Variants in IL23R observed in about 807,000 individuals in gnomAD.
IL23R encodes interleukin 23 receptor, also known as interleukin-23 receptor.
Under a neutral mutation model 56.9 loss-of-function variants are expected in IL23R, and 34 were observed. That is an observed-to-expected ratio of 0.60 (90% CI 0.45 to 0.80). IL23R has a LOEUF of 0.80. IL23R is among the 30% of genes least tolerant of loss of function. The probability of loss-of-function intolerance (pLI) is 0.00; values close to 1 mark genes in which losing one functional copy is unlikely to be tolerated. For missense variants in IL23R, 635 were observed against 730.0 expected (o/e 0.87, Z 1.50); for synonymous variants, 230 against 249.2 (o/e 0.92, Z 0.73).
intron 6 of IL23R, among the ~76,000 whole-genome samples, chr1:67,208,534 G>C (rs1399665098): frequency 6.6e-6 from 1 of 152,264 alleles, no homozygotes; most frequent in Non-Finnish European, 1.5e-5. Flanking sequence ...CCAACATCCA[G>C]CTTGGGCTGT....
At chr1:67,153,591 T>C (rs1004148402) in intron 1 of IL23R, among the ~76,000 whole-genome samples, 5 of 152,196 alleles carry the variant, frequency 3.3e-5, no homozygotes, top group African/African-American at 1.2e-4. Flanking sequence ...TTTAGTCCTG[T>C]AAATTTCCCT....
At chr1:67,140,960 AT>A (rs952554516) in intron 1 of IL23R, among the ~76,000 whole-genome samples, 1 of 152,044 alleles carries the variant, frequency 6.6e-6, no homozygotes, top group Non-Finnish European at 1.5e-5. Context: ...ACCCAGTTAT[AT>A]TTTTTTCCAA....
chr1:67,264,730 T>G (rs1318291555), downstream of IL23R, among the ~76,000 whole-genome samples: 1 of 152,200 alleles, frequency 6.6e-6, no homozygotes. Flanking sequence ...CTAATTTCAC[T>G]TTTCAACTTA....
At chr1:67,148,899 C>A (rs1646705026) in intron 1 of IL23R, among the ~76,000 whole-genome samples, 1 of 152,154 alleles carries the variant, frequency 6.6e-6, no homozygotes, top group African/African-American at 2.4e-5. Flanking sequence ...GGAGTGAGAT[C>A]TGGGTTCCTA....
At chr1:67,194,247 G>A (rs1380039457) in intron 4 of IL23R, among the ~76,000 whole-genome samples, 2 of 151,706 alleles carry the variant, frequency 1.3e-5, no homozygotes, top group Non-Finnish European at 2.9e-5. Flanking sequence ...GGATCATTCA[G>A]CCCTTCTCTC....
chr1:67,192,219 G>T (rs758405828), intron 4 of IL23R, among the ~76,000 whole-genome samples: 1 of 152,118 alleles, frequency 6.6e-6, no homozygotes, highest in African/African-American at 2.4e-5. Flanking sequence ...CTGGGTAAGC[G>T]GTCTTCCAAA....
intron 7 of IL23R, among the ~76,000 whole-genome samples, chr1:67,220,332 G>A (rs1043971972): frequency 7.9e-5 from 12 of 151,458 alleles, no homozygotes; most frequent in Admixed American, 6.6e-4. Flanking sequence ...TTGTACCACC[G>A]CACTCCAGCC....
chr1:67,191,297 A>C (rs1399889582), intron 4 of IL23R, among the ~76,000 whole-genome samples: 2 of 152,210 alleles, frequency 1.3e-5, no homozygotes, highest in African/African-American at 4.8e-5. Flanking sequence ...AGCAATGAGA[A>C]ATACCACAGC....
intron 9 of IL23R, among the ~76,000 whole-genome samples, chr1:67,248,115 A>T (rs570267137): frequency 3.9e-5 from 6 of 152,198 alleles, no homozygotes; most frequent in Middle Eastern, 6.8e-3. Context: ...CTCCAGGAAT[A>T]TCTTTGTGGT....
intron 9 of IL23R, among the ~76,000 whole-genome samples, chr1:67,254,968 C>A (rs1012155798): frequency 6.6e-6 from 1 of 152,124 alleles, no homozygotes; most frequent in Admixed American, 6.6e-5. Context: ...TCTCACTATG[C>A]CACACAACTG....
At chr1:67,201,234 C>G (rs915292451) in intron 5 of IL23R, among the ~76,000 whole-genome samples, 3 of 151,712 alleles carry the variant, frequency 2.0e-5, no homozygotes, top group Non-Finnish European at 2.9e-5. Context: ...GAAACCCTGT[C>G]TCTACTAAAA....
intron 4 of IL23R, among the ~76,000 whole-genome samples, chr1:67,196,740 A>C (rs1173041315): frequency 1.3e-5 from 2 of 152,224 alleles, no homozygotes; most frequent in Non-Finnish European, 2.9e-5. Context: ...CAAAACAGGG[A>C]AAAAAGATAA....
chr1:67,194,894 A>G (rs1421034404), intron 4 of IL23R, among the ~76,000 whole-genome samples: 1 of 152,248 alleles, frequency 6.6e-6, no homozygotes, highest in African/African-American at 2.4e-5. Flanking sequence ...AATATAAGGT[A>G]ACTATGTAAA....
In IL23R at chr1:67,188,229, C is replaced by T. The variant is rs1647488249; in HGVS notation, c.491+5270C>T. On this transcript the variant is annotated intron_variant, in intron 4 of 10. Transcript: ENST00000347310. ...TACTCTGCCATCTTCAGTGTGTTGA[C>T]CTTAATCTTCAGATGCTGTATCTCC... is the stretch of plus-strand genomic sequence containing the variant. Among the ~76,000 whole-genome samples the T allele has an allele frequency of 2.6e-5, 4 of 152,112 alleles. No homozygotes were observed. In the South Asian group the frequency reaches 8.3e-4, roughly 32 times the overall value.
chr1:67,253,266 A>C (rs529279076), intron 9 of IL23R, among the ~76,000 whole-genome samples: 18 of 152,182 alleles, frequency 1.2e-4, no homozygotes, highest in Non-Finnish European at 2.5e-4. Context: ...TGATGGTATT[A>C]GTAAAGATCT....
At chr1:67,219,785 G>A (rs1363283214) in intron 7 of IL23R, 55 bp downstream of exon 7, 1 of 1,525,408 alleles carries the variant, frequency 6.6e-7, no homozygotes, top group Non-Finnish European at 9.1e-7. Flanking sequence ...TATCTTTTCT[G>A]CTGAGCACAG....
chr1:67,239,264 G>A (rs1467077868), intron 8 of IL23R, among the ~76,000 whole-genome samples: 1 of 152,090 alleles, frequency 6.6e-6, no homozygotes, highest in African/African-American at 2.4e-5. Context: ...GGTTTTGTTT[G>A]TTTGTTTGTT....
In IL23R at chr1:67,259,272, C is replaced by A; in HGVS notation, c.*144C>A. On this transcript the variant is annotated 3_prime_UTR_variant, in exon 11 of 11. Transcript: ENST00000347310. ...CACATGGACACATGTTTTCATTTCC[C>A]TTGGATAAATACCTAGGTAGGGGAT... 7.5e-6 allele frequency: 6 copies of A among 802,308 alleles called. No homozygotes were observed. The South Asian group carries it at 9.3e-5, about 12-fold the overall frequency. The allele number at this position is 802,308 out of a possible 1,614,324, so 49.7% of individuals were successfully genotyped here.
intron 9 of IL23R, among the ~76,000 whole-genome samples, chr1:67,255,004 T>C (rs1402347198): frequency 2.0e-5 from 3 of 152,198 alleles, no homozygotes; most frequent in Non-Finnish European, 4.4e-5. Context: ...AGCCTCCTTC[T>C]CCATCCGCAT....
Sources: gnomAD v4.1 joint callset for allele counts (sites outside exome capture counted in the v4.1 genomes callset) on GRCh38, gnomAD v4.1.1 for gene constraint, MANE v1.5 for transcripts, NCBI Gene and HGNC (gene_info 2026-07-23, HGNC 2026-07-21) for gene names.